Variants in STK24 observed in about 807,000 individuals in gnomAD.
STK24 encodes the protein serine/threonine kinase 24, also known as serine/threonine-protein kinase 24.
STK24 carries 21 observed loss-of-function variants against 55.6 expected under a neutral mutation model. That is an observed-to-expected ratio of 0.38 (90% CI 0.27 to 0.54). The LOEUF is 0.54. STK24 is among the 20% of genes least tolerant of loss of function. STK24 has a pLI of 0.79. For synonymous variants in STK24, 200 were observed against 215.2 expected (o/e 0.93, Z 0.62); for missense variants, 383 against 538.4 (o/e 0.71, Z 2.86).
Position 98,461,754 on chromosome 13 carries a change from T to C in STK24, c.1053+20A>G, listed in dbSNP as rs1365161523. ...TGCAGACTGAGGTCAGCGTGGCCAT[T>C]CTGGAGTGAGCAGACGTACCTTATT... is the stretch of plus-strand genomic sequence containing the variant. On this transcript the variant is annotated intron_variant, in intron 8 of 10. Transcript: ENST00000539966. 6.2e-7 allele frequency: 1 copy of C among 1,613,228 alleles called. No homozygotes were observed. Among genetic ancestry groups the C allele is most frequent in the East Asian group, 2.2e-5 (1 of 44,854 alleles).
Position 98,449,342 on chromosome 13 carries a change from C to T in STK24, c.*3831G>A, listed in dbSNP as rs1239439712. The T allele has an allele frequency of 6.6e-6, 1 of 152,182 alleles. No homozygotes were observed. Among genetic ancestry groups the T allele is most frequent in the Non-Finnish European group, 1.5e-5 (1 of 68,046 alleles). 9.4% of individuals were successfully genotyped at this position (152,182 alleles called of 1,614,324 possible). A position where few individuals can be genotyped will look rare whatever the true frequency, so the allele number is the denominator to read the frequency against. ...TCAAAAACATTTCCCTTTTTATACTCATTCCCCCCAGGCATGGGGTAGTGT... is the reference window on the plus strand; with the variant it reads ...TCAAAAACATTTCCCTTTTTATACTTATTCCCCCCAGGCATGGGGTAGTGT... On this transcript the variant is annotated 3_prime_UTR_variant, in exon 11 of 11. Transcript: ENST00000539966.
rs2139208191 is a variant in STK24, at chr13:98,450,285, T to TGAC, written c.*2885_*2887dup. The stretch of plus-strand genomic sequence containing the variant: ...CCCTATTAGGTCACTCTGCCTTTGC[T>TGAC]GACACATTTTATAGCAGAAATACAC... On this transcript the variant is annotated 3_prime_UTR_variant, in exon 11 of 11. Transcript: ENST00000539966. The TGAC allele has an allele frequency of 6.6e-6, 1 of 152,352 alleles. No homozygotes were observed. The highest frequency in any genetic ancestry group is 2.1e-4 in the South Asian group (1 of 4,830). The allele number at this position is 152,352 out of a possible 1,614,324, so 9.4% of individuals were successfully genotyped here.
At chr13:98,530,511 G>A (rs148028732) in intron 1 of STK24, among the ~76,000 whole-genome samples, 5 of 152,106 alleles carry the variant, frequency 3.3e-5, no homozygotes, top group African/African-American at 7.2e-5. Context: ...ATTTTCTGAC[G>A]ATTATGTGAC....
chr13:98,520,491 A>T (rs1368024674), intron 1 of STK24, among the ~76,000 whole-genome samples: 1 of 152,220 alleles, frequency 6.6e-6, no homozygotes, highest in African/African-American at 2.4e-5. Context: ...GAAGAAGCTG[A>T]ACTACTAGGA....
intron 1 of STK24, among the ~76,000 whole-genome samples, chr13:98,545,888 T>C (rs1440844901): frequency 1.3e-5 from 2 of 151,616 alleles, no homozygotes; most frequent in Admixed American, 1.3e-4. Flanking sequence ...AAAATGAAAA[T>C]ACAAAAAAAG....
rs527352523 is a variant in STK24, at chr13:98,525,945, C to A, written c.43-6472G>T. On this transcript the variant is annotated intron_variant, in intron 1 of 10. Coordinates refer to ENST00000539966, the MANE Select transcript of STK24 (RefSeq NM_001032296.4). ...AAAATCCCCCCAAGAATTTTAACAG[C>A]CCAACTTCCCCTTCTGGGGGACCTC... Among the ~76,000 whole-genome samples the A allele has an allele frequency of 3.3e-5, 5 of 152,284 alleles. No homozygotes were observed. In the East Asian group the frequency reaches 9.7e-4, roughly 29 times the overall value.
Position 98,448,308 on chromosome 13 carries a change from T to G in STK24, c.*4865A>C, listed in dbSNP as rs765330638. On this transcript the variant is annotated 3_prime_UTR_variant, in exon 11 of 11. Coordinates refer to ENST00000539966, the MANE Select transcript of STK24 (RefSeq NM_001032296.4). ...ACGTGTTGAGTCACAAAGAGTCTCT[T>G]GTGTATTGATGGCCGGACACACTCG... 6.2e-7 allele frequency: 1 copy of G among 1,612,694 alleles called. No homozygotes were observed. Among genetic ancestry groups the G allele is most frequent in the Non-Finnish European group, 8.5e-7 (1 of 1,178,658 alleles).
chr13:98,482,106 A>C (rs1894608562), intron 3 of STK24, among the ~76,000 whole-genome samples, 159 bp downstream of exon 3: 1 of 152,090 alleles, frequency 6.6e-6, no homozygotes, highest in Non-Finnish European at 1.5e-5. Flanking sequence ...TTTTAGTGAT[A>C]TATAAGAAGC....
At chr13:98,498,600 G>C (rs530972218) in intron 2 of STK24, among the ~76,000 whole-genome samples, 1 of 152,366 alleles carries the variant, frequency 6.6e-6, no homozygotes, top group Non-Finnish European at 1.5e-5. Context: ...AAGTGAAAGA[G>C]TGGTGTGTGA....
chr13:98,561,490 G>C (rs116414126), intron 1 of STK24, among the ~76,000 whole-genome samples: 4 of 152,090 alleles, frequency 2.6e-5, no homozygotes, highest in South Asian at 4.1e-4. Flanking sequence ...GCTGAGGCGC[G>C]AGAATCACTT....
chr13:98,521,934 G>A (rs1896275553), intron 1 of STK24: 1 of 1,189,762 alleles, frequency 8.4e-7, no homozygotes, highest in East Asian at 2.4e-5. Flanking sequence ...CTGGCTCTCT[G>A]CCCTTGGCAA....
At position 98,446,522 on chromosome 13, in the gene STK24, C is replaced by A; in HGVS notation, c.*6651G>T. The A allele has an allele frequency of 2.5e-6, 2 of 811,376 alleles. No individual in the cohort carries two copies. Among genetic ancestry groups the A allele is most frequent in the Non-Finnish European group, 4.0e-6 (2 of 504,314 alleles). 50.3% of individuals were successfully genotyped at this position (811,376 alleles called of 1,614,324 possible). A position where few individuals can be genotyped will look rare whatever the true frequency, so the allele number is the denominator to read the frequency against. ...CCGGGCCATCACGTACAGGCAAACA[C>A]TGGCTGCCATGGTCCCTTCCAGGCC... On this transcript the variant is annotated 3_prime_UTR_variant, in exon 11 of 11. Transcript: ENST00000539966.
intron 3 of STK24, among the ~76,000 whole-genome samples, chr13:98,478,784 TGTCCCTCG>T (rs1459566973): frequency 6.6e-6 from 1 of 152,212 alleles, no homozygotes. Context: ...ATTCCAAGGT[TGTCCCTCG>T]GATTCTCTGG....
rs543760473 is a variant in STK24, at chr13:98,550,450, G to C, written c.42+26295C>G. 8.3e-4 allele frequency among the ~76,000 whole-genome samples: 127 copies of C among 152,144 alleles called. 1 individual carries two copies. Among genetic ancestry groups the C allele is most frequent in the Admixed American group, 1.3e-3 (20 of 15,280 alleles). Reference sequence around the variant, plus strand: ...AAGGTGAGGCAGGAGGATCGCCTGCGCCTGGGAGGTAGAGGCTACAGTGAG... The same window carrying C: ...AAGGTGAGGCAGGAGGATCGCCTGCCCCTGGGAGGTAGAGGCTACAGTGAG... On this transcript the variant is annotated intron_variant, in intron 1 of 10. Coordinates refer to ENST00000539966, the MANE Select transcript of STK24 (RefSeq NM_001032296.4).
chr13:98,448,440 C>CT lies in STK24; in HGVS notation c.*4732dup, dbSNP rs1892999661. ...AATCAAAAACATGGCTTCCCAGCAG[C>CT]TCTCCTGTCTCCACAGCCGCGTTTT... On this transcript the variant is annotated 3_prime_UTR_variant, in exon 11 of 11. Coordinates refer to ENST00000539966, the MANE Select transcript of STK24 (RefSeq NM_001032296.4). 1 of 793,456 alleles carries CT rather than the reference C, an allele frequency of 1.3e-6. No individual in the cohort carries two copies. The allele number at this position is 793,456 out of a possible 1,614,324, so 49.2% of individuals were successfully genotyped here.
chr13:98,555,632 G>C (rs139878720), intron 1 of STK24, among the ~76,000 whole-genome samples: 51 of 150,392 alleles, frequency 3.4e-4, no homozygotes, highest in Middle Eastern at 7.1e-3. Context: ...GAAAACTCCT[G>C]ATTGGTTTTA....
chr13:98,525,434 C>T (rs1896399106), intron 1 of STK24, among the ~76,000 whole-genome samples: 1 of 152,208 alleles, frequency 6.6e-6, no homozygotes, highest in South Asian at 2.1e-4. Flanking sequence ...GACACATGGA[C>T]AACCCCCGCT....
chr13:98,546,459 T>C (rs1897031039), intron 1 of STK24, among the ~76,000 whole-genome samples: 1 of 152,170 alleles, frequency 6.6e-6, no homozygotes, highest in Non-Finnish European at 1.5e-5. Flanking sequence ...TGTCAAAAGC[T>C]GAATCTATGC....
At chr13:98,549,080 T>C (rs549927416) in intron 1 of STK24, among the ~76,000 whole-genome samples, 23 of 152,234 alleles carry the variant, frequency 1.5e-4, no homozygotes, top group African/African-American at 5.5e-4. Context: ...ACCATGTAGA[T>C]AACACATGCT....
Sources: gnomAD v4.1 joint callset for allele counts (sites outside exome capture counted in the v4.1 genomes callset) on GRCh38, gnomAD v4.1.1 for gene constraint, MANE v1.5 for transcripts, NCBI Gene and HGNC (gene_info 2026-07-23, HGNC 2026-07-21) for gene names.